Variants in KCNIP4 observed in about 807,000 individuals in gnomAD.
The protein encoded by KCNIP4 is Kv channel-interacting protein 4.
In KCNIP4, 12 loss-of-function variants were observed where a neutral mutation model predicts 34.0. The observed-to-expected ratio is 0.35, with a 90% CI of 0.23 to 0.57. The LOEUF is 0.57. Among genes scored for constraint, KCNIP4 ranks in the 20% least tolerant of loss-of-function variants. The pLI is 0.83. For missense variants in KCNIP4, 238 were observed against 311.7 expected, an observed-to-expected ratio of 0.76 and a Z score of 1.78; for synonymous variants, 124 against 102.2, an observed-to-expected ratio of 1.21 and a Z score of -1.29.
chr4:20,817,670 A>T (rs1716582177), intron 3 of KCNIP4, among the ~76,000 whole-genome samples: 1 of 146,246 alleles, frequency 6.8e-6, no homozygotes. Flanking sequence ...AAGCTCTTTG[A>T]GGATCTTTTT....
intron 1 of KCNIP4, among the ~76,000 whole-genome samples, chr4:21,563,191 A>G (rs1011979907): frequency 6.6e-6 from 1 of 152,076 alleles, no homozygotes; most frequent in Non-Finnish European, 1.5e-5. Context: ...TCCCACAAGC[A>G]CATTTGTATA....
At chr4:21,462,437 A>G (rs1388603898) in intron 1 of KCNIP4, among the ~76,000 whole-genome samples, 1 of 152,070 alleles carries the variant, frequency 6.6e-6, no homozygotes, top group African/African-American at 2.4e-5. Flanking sequence ...CTTACTCACT[A>G]TCACCAGAGA....
rs78474792 is a variant in KCNIP4 at position 20,817,967 on chromosome 4, A to C, written c.288+32576T>G. On this transcript the variant is annotated intron_variant, in intron 3 of 8. Transcript: ENST00000382152. ...CAATAATCTGAATTGTGGGTAAAAA[A>C]ATTATTCTTTAGAGCTATGCTTTTG... Among the ~76,000 whole-genome samples, 1,166 of 152,246 alleles carry C rather than the reference A, an allele frequency of 7.7e-3. 10 individuals are homozygous for C. Among genetic ancestry groups the C allele is most frequent in the African/African-American group, 0.027 (1,101 of 41,534 alleles).
At chr4:21,562,027 C>G (rs1000989770) in intron 1 of KCNIP4, among the ~76,000 whole-genome samples, 1 of 151,860 alleles carries the variant, frequency 6.6e-6, no homozygotes, top group Admixed American at 6.6e-5. Context: ...TTTCCTGAAA[C>G]TATCCAATTT....
intron 1 of KCNIP4, among the ~76,000 whole-genome samples, chr4:21,907,890 A>C (rs1728088110): frequency 6.6e-6 from 1 of 152,148 alleles, no homozygotes; most frequent in Non-Finnish European, 1.5e-5. Context: ...ATAATAACAA[A>C]AGAATTTTTA....
At chr4:21,087,051 C>A (rs186959094) in intron 1 of KCNIP4, among the ~76,000 whole-genome samples, 1 of 150,450 alleles carries the variant, frequency 6.6e-6, no homozygotes, top group African/African-American at 2.4e-5. Context: ...ACGATCTCGG[C>A]TCACTGCAAC....
At chr4:21,716,026 C>T (rs913465098) in intron 1 of KCNIP4, among the ~76,000 whole-genome samples, 1 of 152,136 alleles carries the variant, frequency 6.6e-6, no homozygotes, top group South Asian at 2.1e-4. Flanking sequence ...ATCTAAATAA[C>T]TGGAGAAAAT....
At chr4:21,216,388 C>T (rs879127468) in intron 1 of KCNIP4, among the ~76,000 whole-genome samples, 3 of 152,292 alleles carry the variant, frequency 2.0e-5, no homozygotes, top group Admixed American at 2.0e-4. Context: ...TTCCTAAACA[C>T]TAACTATAAG....
chr4:21,725,242 A>C (rs1247312319), intron 1 of KCNIP4, among the ~76,000 whole-genome samples: 1 of 152,126 alleles, frequency 6.6e-6, no homozygotes, highest in African/African-American at 2.4e-5. Context: ...TTCCTATACA[A>C]AAAAATCCCC....
chr4:21,106,081 G>A (rs1748499973), intron 1 of KCNIP4, among the ~76,000 whole-genome samples: 1 of 151,524 alleles, frequency 6.6e-6, no homozygotes, highest in Non-Finnish European at 1.5e-5. Flanking sequence ...TCTCTGCCTG[G>A]CTTTGGTATC....
intron 1 of KCNIP4, among the ~76,000 whole-genome samples, chr4:21,328,064 A>G (rs551797192): frequency 6.6e-6 from 1 of 152,076 alleles, no homozygotes; most frequent in East Asian, 1.9e-4. Flanking sequence ...CTGGTGCCTT[A>G]TTTAGTTCGT....
In KCNIP4 at chr4:21,398,100, T is replaced by TTTTG. The variant is rs1180009957; in HGVS notation, c.62-515395_62-515392dup. ...TGAGGCTGGGGCCTGTCGGACTCTT[T>TTTTG]TTTGTTTGTTTGTTTTTTGGTCAAG... On this transcript the variant is annotated intron_variant, in intron 1 of 8. Transcript: ENST00000382152. Among the ~76,000 whole-genome samples, 11 of 152,314 alleles carry TTTTG rather than the reference T, an allele frequency of 7.2e-5. No homozygotes were observed. The East Asian group carries it at 2.1e-3, about 29-fold the overall frequency.
chr4:21,772,130 G>A (rs7662958), intron 1 of KCNIP4, among the ~76,000 whole-genome samples: 13,973 of 152,126 alleles, frequency 0.092, 679 homozygotes, highest in Middle Eastern at 0.18. Flanking sequence ...TTTTTAACAC[G>A]AAGGGATGTT....
chr4:21,532,182 A>T (rs868110165), intron 1 of KCNIP4, among the ~76,000 whole-genome samples: 67 of 152,272 alleles, frequency 4.4e-4, no homozygotes, highest in African/African-American at 1.5e-3. Flanking sequence ...AATGAGATAG[A>T]TGCACATTTA....
At chr4:21,642,782 G>T (rs1215354689) in intron 1 of KCNIP4, among the ~76,000 whole-genome samples, 2 of 152,062 alleles carry the variant, frequency 1.3e-5, no homozygotes, top group Non-Finnish European at 2.9e-5. Flanking sequence ...TACAGTGCTG[G>T]CTGGGATAAT....
intron 1 of KCNIP4, among the ~76,000 whole-genome samples, chr4:21,086,567 G>A (rs1746450372): frequency 6.6e-6 from 1 of 152,116 alleles, no homozygotes; most frequent in Non-Finnish European, 1.5e-5. Context: ...ATTTGACACA[G>A]GAAGGTTAAT....
At chr4:20,879,326 A>C (rs529649319) in intron 2 of KCNIP4, among the ~76,000 whole-genome samples, 1 of 152,280 alleles carries the variant, frequency 6.6e-6, no homozygotes, top group African/African-American at 2.4e-5. Flanking sequence ...ACTACCAATC[A>C]GGTAGCTCGA....
chr4:21,592,992 G>A (rs1742333791), intron 1 of KCNIP4, among the ~76,000 whole-genome samples: 1 of 152,064 alleles, frequency 6.6e-6, no homozygotes, highest in Admixed American at 6.6e-5. Flanking sequence ...TATTGAAATT[G>A]CAATATTACA....
chr4:21,362,531 T>C (rs925959032), intron 1 of KCNIP4, among the ~76,000 whole-genome samples: 1 of 152,188 alleles, frequency 6.6e-6, no homozygotes, highest in Non-Finnish European at 1.5e-5. Flanking sequence ...GTAGAATACA[T>C]TATATCTGAA....
Sources: gnomAD v4.1 joint callset for allele counts (sites outside exome capture counted in the v4.1 genomes callset) on GRCh38, gnomAD v4.1.1 for gene constraint, MANE v1.5 for transcripts, NCBI Gene and HGNC (gene_info 2026-07-23, HGNC 2026-07-21) for gene names.